The following PABPC1 variants were observed in gnomAD, a reference collection of about 807,000 sequenced individuals.
The protein encoded by PABPC1 is poly(A) binding protein cytoplasmic 1.
Under a neutral mutation model 74.0 loss-of-function variants are expected in PABPC1, and 4 were observed. That is an observed-to-expected ratio of 0.05 (90% CI 0.03 to 0.12). The LOEUF (loss-of-function observed/expected upper bound fraction) is 0.12. PABPC1 is among the 10% of genes least tolerant of loss of function. PABPC1 has a pLI of 1.00. For synonymous variants in PABPC1, 227 were observed against 264.1 expected (o/e 0.86, Z 1.36); for missense variants, 271 against 821.1 (o/e 0.33, Z 8.19).
chr8:100,707,197 C>T, intron 9 of PABPC1, 200 bp from the exon 10 acceptor site: 2 of 470,194 alleles, frequency 4.3e-6, no homozygotes, highest in Admixed American at 3.4e-5. Flanking sequence ...AGGACGAGTA[C>T]TTATATGTAG....
chr8:100,720,206 T>C (rs981866898), intron 1 of PABPC1, among the ~76,000 whole-genome samples: 1 of 152,218 alleles, frequency 6.6e-6, no homozygotes, highest in African/African-American at 2.4e-5. Context: ...TTAAGCTGAC[T>C]TCTCAAAGCC....
intron 4 of PABPC1, 66 bp from the exon 5 acceptor site, chr8:100,713,247 T>C: frequency 1.1e-6 from 1 of 949,660 alleles, no homozygotes; most frequent in South Asian, 2.0e-5. Context: ...ATTTCAAATT[T>C]CAACATACAA....
At chr8:100,718,370 G>A in intron 1 of PABPC1, 90 bp from the exon 2 acceptor site, 2 of 1,013,734 alleles carry the variant, frequency 2.0e-6, no homozygotes, top group South Asian at 1.6e-5. Flanking sequence ...TGGAGTGGGA[G>A]GACACATGGT....
chr8:100,717,579 A>AAATCAAGATTAGCTTATT (rs1285004887), intron 3 of PABPC1, among the ~76,000 whole-genome samples, 194 bp downstream of exon 3: 1 of 152,240 alleles, frequency 6.6e-6, no homozygotes, highest in African/African-American at 2.4e-5. Flanking sequence ...TCAATTGTAA[A>AAATCAAGATTAGCTTATT]AATCAAGATT....
rs1191234246 is a variant in PABPC1 at position 100,705,061 on chromosome 8, G to A, written c.1688-5C>T. 5.0e-6 allele frequency: 8 copies of A among 1,599,856 alleles called. No individual in the cohort carries two copies. The African/African-American group carries it at 8.1e-5, about 16-fold the overall frequency. ...TAAGAGGAAACAGCCGTTCACCTAG[G>A]AACAGAAACATTCAAAAACTCCCTT... is the stretch of plus-strand genomic sequence containing the variant. On this transcript the variant is annotated splice_region_variant and splice_polypyrimidine_tract_variant and intron_variant, in intron 12 of 14. Coordinates refer to ENST00000318607, the MANE Select transcript of PABPC1 (RefSeq NM_002568.4).
intron 9 of PABPC1, among the ~76,000 whole-genome samples, 176 bp downstream of exon 9, chr8:100,708,957 C>A (rs567013968): frequency 6.7e-4 from 102 of 152,296 alleles, no homozygotes; most frequent in African/African-American, 2.4e-3. Flanking sequence ...GGAAATCAAA[C>A]CACTGTAGAC....
chr8:100,711,096 T>C (rs765172247), intron 7 of PABPC1, among the ~76,000 whole-genome samples: 11 of 152,108 alleles, frequency 7.2e-5, no homozygotes, highest in Non-Finnish European at 1.5e-4. Flanking sequence ...TTGGCCAACA[T>C]GGTGAAACCC....
intron 5 of PABPC1, 102 bp downstream of exon 5, chr8:100,712,985 A>G (rs1810569402): frequency 9.6e-7 from 1 of 1,044,196 alleles, no homozygotes; most frequent in African/African-American, 1.6e-5. Context: ...ATAACTGAAA[A>G]TATAAGAACA....
At chr8:100,709,865 A>C (rs1810482280) in intron 7 of PABPC1, 134 bp from the exon 8 acceptor site, 9 of 1,000,528 alleles carry the variant, frequency 9.0e-6, no homozygotes, top group African/African-American at 3.3e-5. Flanking sequence ...TCTTGTATTT[A>C]CCCATTGAGT....
At chr8:100,708,911 T>TAAATAAATAAATAAA (rs1810455705) in intron 9 of PABPC1, among the ~76,000 whole-genome samples, 2 of 137,196 alleles carry the variant, frequency 1.5e-5, no homozygotes, top group African/African-American at 5.9e-5. Flanking sequence ...AAATAAAAAA[T>TAAATAAATAAATAAA]GAAGAGCTGT....
At position 100,718,328 on chromosome 8, in the gene PABPC1, T is replaced by G. The variant is rs768886562; in HGVS notation, c.194-48A>C. ...GTCAATATTACTTCAAAATTTTTGC[T>G]GGCTACTTAAGATTATATAAACTAT... On this transcript the variant is annotated intron_variant, in intron 1 of 14. Coordinates refer to ENST00000318607, the MANE Select transcript of PABPC1 (RefSeq NM_002568.4). 3 of 1,512,670 alleles carry G rather than the reference T, an allele frequency of 2.0e-6. No homozygotes were observed. In the Admixed American group the frequency reaches 5.8e-5, roughly 29 times the overall value. The allele number at this position is 1,512,670 out of a possible 1,614,324, so 93.7% of individuals were successfully genotyped here.
chr8:100,711,258 C>A (rs901376479), intron 7 of PABPC1, among the ~76,000 whole-genome samples: 1 of 151,836 alleles, frequency 6.6e-6, no homozygotes, highest in African/African-American at 2.4e-5. Flanking sequence ...CCAGCCCAGG[C>A]GAGAGTGAGA....
At position 100,711,020 on chromosome 8, in the gene PABPC1, G is replaced by A. The variant is rs141445947; in HGVS notation, c.973-1289C>T. Among the ~76,000 whole-genome samples the A allele has an allele frequency of 4.6e-3, 704 of 152,194 alleles. 5 individuals carry two copies. The highest frequency in any genetic ancestry group is 0.016 in the African/African-American group (661 of 41,524). ...AAAAGACAGACAACCAGCCAGGCACGGTGGCTCACGCCTGTAATCCCAACA... is the reference window on the plus strand; with the variant it reads ...AAAAGACAGACAACCAGCCAGGCACAGTGGCTCACGCCTGTAATCCCAACA... On this transcript the variant is annotated intron_variant, in intron 7 of 14. Coordinates refer to ENST00000318607, the MANE Select transcript of PABPC1 (RefSeq NM_002568.4).
chr8:100,706,646 C>G lies in PABPC1; in HGVS notation c.1602+5G>C. On this transcript the variant is annotated splice_donor_5th_base_variant and intron_variant, in intron 11 of 14. Transcript: ENST00000318607. ...ATTTTTATTAAGAAATCATTAAATC[C>G]ATACCTGTTGCATTGTAACTTGTGG... 1 of 1,455,032 alleles carries G rather than the reference C, an allele frequency of 6.9e-7. No individual in the cohort carries two copies. The highest frequency in any genetic ancestry group is 9.3e-7 in the Non-Finnish European group (1 of 1,080,288). 90.1% of individuals were successfully genotyped at this position (1,455,032 alleles called of 1,614,324 possible).
intron 9 of PABPC1, among the ~76,000 whole-genome samples, chr8:100,708,368 A>G (rs1179758503): frequency 2.6e-5 from 4 of 152,040 alleles, no homozygotes; most frequent in African/African-American, 7.2e-5. Flanking sequence ...AGGCAGGAGG[A>G]TCACCTGAAC....
chr8:100,705,159 A>C, intron 12 of PABPC1, 103 bp from the exon 13 acceptor site: 1 of 881,418 alleles, frequency 1.1e-6, no homozygotes, highest in East Asian at 2.6e-5. Context: ...CTTCTGTCTC[A>C]CGTATATAAT....
intron 2 of PABPC1, 41 bp from the exon 3 acceptor site, chr8:100,717,929 G>T (rs2129749998): frequency 6.8e-7 from 1 of 1,463,826 alleles, no homozygotes; most frequent in South Asian, 1.1e-5. Flanking sequence ...ATTTGCTATT[G>T]ATTTAACATT....
chr8:100,711,852 G>A (rs1563612603), intron 7 of PABPC1, among the ~76,000 whole-genome samples: 1 of 152,178 alleles, frequency 6.6e-6, no homozygotes, highest in Admixed American at 6.5e-5. Flanking sequence ...GCATATAGGG[G>A]GACTCTTGGC....
intron 1 of PABPC1, among the ~76,000 whole-genome samples, chr8:100,719,780 A>G (rs939115657): frequency 2.0e-5 from 3 of 152,200 alleles, no homozygotes; most frequent in African/African-American, 2.4e-5. Context: ...TGGTCTCTAG[A>G]ATTCATTCCC....
Sources: allele counts gnomAD v4.1 joint callset (sites outside exome capture counted in the v4.1 genomes callset), GRCh38; gene constraint gnomAD v4.1.1; transcripts MANE v1.5; gene names NCBI Gene and HGNC (gene_info 2026-07-23, HGNC 2026-07-21).